Variants in CTNNA3 observed in about 807,000 individuals in gnomAD.
CTNNA3 encodes the protein catenin alpha 3, also known as catenin alpha-3.
A neutral mutation model predicts 95.7 loss-of-function variants in CTNNA3; 76 were observed. That is an observed-to-expected ratio of 0.79 (90% confidence interval 0.66 to 0.96). CTNNA3 has a LOEUF of 0.96. Among genes scored for constraint, CTNNA3 ranks in the 40% least tolerant of loss-of-function variants. CTNNA3 has a pLI of 0.00. For missense variants in CTNNA3, 1,191 were observed against 1,089.8 expected, an observed-to-expected ratio of 1.09 and a Z score of -1.31; for synonymous variants, 431 against 374.4, an observed-to-expected ratio of 1.15 and a Z score of -1.74.
chr10:66,101,706 T>C (rs1388262342), intron 14 of CTNNA3, among the ~76,000 whole-genome samples: 1 of 152,184 alleles, frequency 6.6e-6, no homozygotes, highest in Non-Finnish European at 1.5e-5. Flanking sequence ...TATGTCAAAG[T>C]AGATAAACAA....
At chr10:67,598,161 G>A (rs902431930) in intron 3 of CTNNA3, among the ~76,000 whole-genome samples, 3 of 152,046 alleles carry the variant, frequency 2.0e-5, no homozygotes, top group African/African-American at 7.2e-5. Flanking sequence ...TTGGGGGCTG[G>A]GCATCCCTGG....
intron 7 of CTNNA3, among the ~76,000 whole-genome samples, chr10:67,051,629 C>A (rs1855105374): frequency 1.3e-5 from 2 of 151,956 alleles, no homozygotes; most frequent in Non-Finnish European, 2.9e-5. Flanking sequence ...TGGTCTTGAT[C>A]TTTTGACCTC....
Position 66,379,282 on chromosome 10 carries a change from G to A in CTNNA3, c.1602C>T (p.Asp534=), listed in dbSNP as rs773795950. Residue 534 remains aspartate (D), a synonymous_variant, in exon 12 of 18, where the codon GAC becomes GAT. Transcript: ENST00000433211. ...GGCCTCTGATAGCACCCGCAGCACG[G>A]TCTAAATTATCAGCATCCTGGTCTC... ...ALRDQDADNL[D]RAAGAIRGRA... is the part of the protein sequence containing the mutation. 5 of 1,614,074 alleles carry A rather than the reference G, an allele frequency of 3.1e-6. No individual in the cohort carries two copies. Among genetic ancestry groups the A allele is most frequent in the Non-Finnish European group, 3.4e-6 (4 of 1,179,980 alleles).
intron 5 of CTNNA3, among the ~76,000 whole-genome samples, chr10:67,337,517 T>C (rs1283792922): frequency 6.6e-6 from 1 of 152,214 alleles, no homozygotes; most frequent in Non-Finnish European, 1.5e-5. Context: ...ATAAACTTAG[T>C]TGATAAAGCA....
intron 7 of CTNNA3, among the ~76,000 whole-genome samples, chr10:67,034,500 T>C (rs1490686194): frequency 6.6e-6 from 1 of 152,198 alleles, no homozygotes; most frequent in Non-Finnish European, 1.5e-5. Context: ...GGCTCTCCCT[T>C]TCTGGTTCCT....
At position 67,735,128 on chromosome 10, in the gene CTNNA3, CACACACACACACACACAA is replaced by C. The variant is rs758041272; in HGVS notation, c.-2+28288_-2+28305del. ...CATGTCCACCCTTCCAGCAAGTGAG[CACACACACACACACACAA>C]ACACACACACACACACACACACACA... is the stretch of plus-strand genomic sequence containing the variant. On this transcript the variant is annotated intron_variant, in intron 1 of 17. Coordinates refer to the CTNNA3 transcript ENST00000684154. Among the ~76,000 whole-genome samples the C allele has an allele frequency of 2.2e-3, 211 of 94,136 alleles. 1 individual carries two copies. The highest frequency in any genetic ancestry group is 2.9e-3 in the Non-Finnish European group (159 of 54,130). The allele number at this position is 94,136 out of a possible 152,430, so 61.8% of individuals were successfully genotyped here.
chr10:66,666,957 GT>G (rs569394851), intron 9 of CTNNA3, among the ~76,000 whole-genome samples: 2 of 151,842 alleles, frequency 1.3e-5, no homozygotes, highest in South Asian at 2.1e-4. Flanking sequence ...AGGGATAATA[GT>G]TTTTTTTAAA....
intron 7 of CTNNA3, among the ~76,000 whole-genome samples, chr10:67,049,068 C>T (rs1854931098): frequency 6.7e-6 from 1 of 149,348 alleles, no homozygotes; most frequent in African/African-American, 2.5e-5. Context: ...CTTAAAAACA[C>T]CAGTTAGAAA....
At chr10:66,557,321 G>A (rs1842422406) in intron 10 of CTNNA3, among the ~76,000 whole-genome samples, 1 of 152,014 alleles carries the variant, frequency 6.6e-6, no homozygotes, top group Non-Finnish European at 1.5e-5. Flanking sequence ...TAAAGTTGTT[G>A]ACTAAATGAC....
intron 7 of CTNNA3, among the ~76,000 whole-genome samples, chr10:67,127,525 C>G (rs1859773200): frequency 6.6e-6 from 1 of 152,096 alleles, no homozygotes; most frequent in Non-Finnish European, 1.5e-5. Context: ...TCCATTCTTT[C>G]CAGGAAAAGA....
At chr10:67,619,679 G>A (rs1231062647) in intron 2 of CTNNA3, among the ~76,000 whole-genome samples, 1 of 152,168 alleles carries the variant, frequency 6.6e-6, no homozygotes, top group Non-Finnish European at 1.5e-5. Context: ...AAACAGGTTA[G>A]ACACATTTTA....
chr10:67,195,124 C>T (rs1168432641), intron 6 of CTNNA3, among the ~76,000 whole-genome samples: 1 of 150,852 alleles, frequency 6.6e-6, no homozygotes, highest in East Asian at 2.0e-4. Context: ...GAGTCCAGTC[C>T]ATTTAAAGGG....
intron 11 of CTNNA3, among the ~76,000 whole-genome samples, chr10:66,380,309 C>T (rs906021763): frequency 1.3e-5 from 2 of 151,874 alleles, no homozygotes; most frequent in African/African-American, 2.4e-5. Context: ...TCCCTCTTGT[C>T]GTCCAAAAAA....
rs1259502432 is a variant in CTNNA3 at position 66,304,214 on chromosome 10, A to T, written c.1733-23593T>A. ...ACATGATATCATTTAGATATATCTC[A>T]TTTACACATTGGCCAACAATTCAAA... On this transcript the variant is annotated intron_variant, in intron 12 of 17. Coordinates refer to ENST00000433211, the MANE Select transcript of CTNNA3 (RefSeq NM_013266.4). Among the ~76,000 whole-genome samples the T allele has an allele frequency of 2.6e-5, 4 of 152,200 alleles. 1 individual carries two copies. The highest frequency in any genetic ancestry group is 4.4e-5 in the Non-Finnish European group (3 of 68,036).
intron 9 of CTNNA3, among the ~76,000 whole-genome samples, chr10:66,755,975 T>C (rs1839348448): frequency 6.6e-6 from 1 of 152,166 alleles, no homozygotes; most frequent in Admixed American, 6.5e-5. Flanking sequence ...TTCAAAGAGG[T>C]AGAGTATATT....
At chr10:66,737,985 C>T (rs1849203610) in intron 9 of CTNNA3, among the ~76,000 whole-genome samples, 1 of 152,162 alleles carries the variant, frequency 6.6e-6, no homozygotes. Flanking sequence ...TAACATCCTT[C>T]TCTTCCCTGC....
intron 5 of CTNNA3, among the ~76,000 whole-genome samples, chr10:67,273,694 T>C (rs1161758337): frequency 3.3e-5 from 5 of 152,044 alleles, no homozygotes; most frequent in African/African-American, 1.2e-4. Flanking sequence ...AATAGAGAAA[T>C]GTATAAACAA....
chr10:66,821,819 T>A (rs2132293606), intron 7 of CTNNA3, among the ~76,000 whole-genome samples: 1 of 152,260 alleles, frequency 6.6e-6, no homozygotes, highest in Non-Finnish European at 1.5e-5. Context: ...CACCATTTGC[T>A]CTAGTCAACC....
At chr10:66,949,293 A>T (rs1848420721) in intron 7 of CTNNA3, among the ~76,000 whole-genome samples, 1 of 152,190 alleles carries the variant, frequency 6.6e-6, no homozygotes, top group Admixed American at 6.5e-5. Flanking sequence ...CTGTGGGCTC[A>T]TGCCTGTAAT....
Sources: gnomAD v4.1 joint callset for allele counts (sites outside exome capture counted in the v4.1 genomes callset) on GRCh38, gnomAD v4.1.1 for gene constraint, MANE v1.5 for transcripts, NCBI Gene and HGNC (gene_info 2026-07-23, HGNC 2026-07-21) for gene names.